The following KCNMA1 variants were observed in gnomAD, a reference collection of about 807,000 sequenced individuals.
The protein encoded by KCNMA1 is Calcium-activated potassium channel subunit alpha-1.
A neutral mutation model predicts 140.0 loss-of-function variants in KCNMA1; 29 were observed. The ratio of observed to expected loss-of-function variants is 0.21; its 90% CI spans 0.15 to 0.28. KCNMA1 has a LOEUF of 0.28. Ranked by LOEUF, KCNMA1 falls within the 10% of genes least tolerant of loss-of-function variation. The pLI is 1.00. For synonymous variants in KCNMA1, 612 were observed against 611.9 expected, an observed-to-expected ratio of 1.00 and a Z score of 0.00; for missense variants, 880 against 1,602.2, an observed-to-expected ratio of 0.55 and a Z score of 7.70.
At chr10:76,954,260 C>T (rs1286406533) in intron 20 of KCNMA1, among the ~76,000 whole-genome samples, 1 of 134,792 alleles carries the variant, frequency 7.4e-6, no homozygotes, top group Non-Finnish European at 1.6e-5. Context: ...TATTCGATCT[C>T]CCCAGCGTGC....
chr10:77,130,387 C>T (rs1596606744), intron 5 of KCNMA1, among the ~76,000 whole-genome samples: 1 of 152,108 alleles, frequency 6.6e-6, no homozygotes, highest in East Asian at 1.9e-4. Flanking sequence ...GTAGGCTCAG[C>T]TGTGATGTTT....
chr10:76,998,197 C>T (rs185037653), intron 19 of KCNMA1, among the ~76,000 whole-genome samples: 4 of 152,264 alleles, frequency 2.6e-5, no homozygotes, highest in Non-Finnish European at 5.9e-5. Flanking sequence ...GGCAGGTTTT[C>T]AGAACTGTGT....
intron 1 of KCNMA1, among the ~76,000 whole-genome samples, chr10:77,528,375 G>C (rs991263643): frequency 6.6e-6 from 1 of 152,126 alleles, no homozygotes; most frequent in African/African-American, 2.4e-5. Flanking sequence ...TTGGGAGGCC[G>C]AGGCAGGCAG....
At chr10:76,907,490 T>A (rs565205139) in intron 25 of KCNMA1, among the ~76,000 whole-genome samples, 1 of 152,220 alleles carries the variant, frequency 6.6e-6, no homozygotes, top group South Asian at 2.1e-4. Flanking sequence ...GTGTTCAGCC[T>A]ATGTGGTTGC....
intron 2 of KCNMA1, among the ~76,000 whole-genome samples, chr10:77,361,779 C>T (rs1374014914): frequency 4.6e-5 from 7 of 152,186 alleles, no homozygotes; most frequent in Non-Finnish European, 1.0e-4. Context: ...GGCCACTGCC[C>T]GTGGCTGGCC....
At chr10:77,589,723 C>T (rs1341996296) in intron 1 of KCNMA1, among the ~76,000 whole-genome samples, 2 of 152,070 alleles carry the variant, frequency 1.3e-5, no homozygotes, top group South Asian at 2.1e-4. Context: ...TTCATGGTCT[C>T]GCTGGCTCAG....
intron 1 of KCNMA1, among the ~76,000 whole-genome samples, chr10:77,550,050 A>T (rs926650399): frequency 1.3e-5 from 2 of 152,212 alleles, no homozygotes; most frequent in Non-Finnish European, 2.9e-5. Flanking sequence ...ATGGAGTAAG[A>T]TTCAGCATTG....
At chr10:77,170,618 A>C (rs2098695590) in intron 5 of KCNMA1, among the ~76,000 whole-genome samples, 1 of 152,146 alleles carries the variant, frequency 6.6e-6, no homozygotes, top group South Asian at 2.1e-4. Flanking sequence ...ATGAGTTAGA[A>C]ATTTGGCCTG....
chr10:76,941,156 AGGG>A, intron 23 of KCNMA1, among the ~76,000 whole-genome samples: 2 of 65,350 alleles, frequency 3.1e-5, no homozygotes, highest in African/African-American at 1.1e-4. Flanking sequence ...AAGGGAAGGG[AGGG>A]AAGGGAAGGA....
At chr10:77,268,471 G>A (rs2064032314) in intron 2 of KCNMA1, among the ~76,000 whole-genome samples, 1 of 152,122 alleles carries the variant, frequency 6.6e-6, no homozygotes, top group Non-Finnish European at 1.5e-5. Context: ...CATTGAACAT[G>A]ATTAATAAAT....
chr10:77,514,573 C>T (rs1179546307), intron 1 of KCNMA1, among the ~76,000 whole-genome samples: 1 of 152,162 alleles, frequency 6.6e-6, no homozygotes, highest in Non-Finnish European at 1.5e-5. Context: ...TGAAAATGGC[C>T]ACATGTGACT....
intron 8 of KCNMA1, among the ~76,000 whole-genome samples, chr10:77,109,276 A>T (rs55788512): frequency 0.35 from 52,576 of 152,008 alleles, 9,652 homozygotes; most frequent in Middle Eastern, 0.42. Context: ...ATACATTTTT[A>T]AAATGTATAG....
At chr10:77,469,573 T>C (rs1466432969) in intron 1 of KCNMA1, among the ~76,000 whole-genome samples, 6 of 152,098 alleles carry the variant, frequency 3.9e-5, no homozygotes, top group Non-Finnish European at 8.8e-5. Context: ...ACTGAGAAAC[T>C]GGGAGTGGCA....
intron 1 of KCNMA1, among the ~76,000 whole-genome samples, chr10:77,610,475 C>T (rs753392199): frequency 2.0e-5 from 3 of 151,634 alleles, no homozygotes; most frequent in Non-Finnish European, 2.9e-5. Context: ...AGGGTGGAGG[C>T]TCTCTCTCTC....
intron 2 of KCNMA1, among the ~76,000 whole-genome samples, chr10:77,358,106 G>A (rs2093651298): frequency 6.6e-6 from 1 of 152,148 alleles, no homozygotes. Flanking sequence ...TTCAAGCAGT[G>A]GGGGATGTTA....
intron 5 of KCNMA1, among the ~76,000 whole-genome samples, chr10:77,126,649 G>A (rs983541746): frequency 7.2e-5 from 11 of 152,042 alleles, no homozygotes; most frequent in Non-Finnish European, 1.5e-4. Flanking sequence ...CCCTTCATGA[G>A]AACTGCCCTC....
At chr10:77,157,528 TGA>T (rs1413690788) in intron 5 of KCNMA1, among the ~76,000 whole-genome samples, 2 of 152,296 alleles carry the variant, frequency 1.3e-5, no homozygotes, top group Admixed American at 6.5e-5. Flanking sequence ...ATGAATATGT[TGA>T]GTTTTTTAAA....
chr10:76,970,023 G>T lies in KCNMA1; in HGVS notation c.2311C>A (p.Arg771=). ...PSTLSPKKKQ[R]NGGMRNSPNT... Reference sequence around the variant, plus strand: ...GGTGAGTTCCGCATGCCTCCATTCCGTTGCTTTTTTTTTGGTGATAGTGTT... The same window carrying T: ...GGTGAGTTCCGCATGCCTCCATTCCTTTGCTTTTTTTTTGGTGATAGTGTT... The change falls in exon 20 of 28, where the codon CGG becomes AGG. Residue 771 remains arginine (R), a synonymous_variant. Transcript: ENST00000286628. 1 of 1,613,952 alleles carries T rather than the reference G, an allele frequency of 6.2e-7. No individual in the cohort carries two copies. Among genetic ancestry groups the T allele is most frequent in the Non-Finnish European group, 8.5e-7 (1 of 1,179,914 alleles).
chr10:77,197,936 G>A (rs568783707), intron 3 of KCNMA1, among the ~76,000 whole-genome samples: 5 of 152,126 alleles, frequency 3.3e-5, no homozygotes, highest in Non-Finnish European at 7.4e-5. Flanking sequence ...GGCATTACAC[G>A]CGAGAAGAGG....
Sources: gnomAD v4.1 joint callset for allele counts (sites outside exome capture counted in the v4.1 genomes callset) on GRCh38, gnomAD v4.1.1 for gene constraint, MANE v1.5 for transcripts, NCBI Gene and HGNC (gene_info 2026-07-23, HGNC 2026-07-21) for gene names.